The following POC1B variants were observed in gnomAD, a reference collection of about 807,000 sequenced individuals.
POC1B encodes the protein POC1 centriolar protein B, also known as POC1 centriolar protein homolog B.
A neutral mutation model predicts 60.6 loss-of-function variants in POC1B; 44 were observed. That is an observed-to-expected ratio of 0.73 (90% CI 0.57 to 0.93). POC1B has a LOEUF of 0.93. Ranked by LOEUF, POC1B falls within the 40% of genes least tolerant of loss-of-function variation. The probability of loss-of-function intolerance (pLI) is 0.00; values close to 1 mark genes in which losing one functional copy is unlikely to be tolerated. For synonymous variants in POC1B, 180 were observed against 198.9 expected (o/e 0.90, Z 0.80); for missense variants, 555 against 572.3 (o/e 0.97, Z 0.31).
chr12:89,491,746 C>G (rs1368745478), intron 4 of POC1B, among the ~76,000 whole-genome samples, 190 bp downstream of exon 4: 1 of 151,826 alleles, frequency 6.6e-6, no homozygotes, highest in African/African-American at 2.4e-5. Context: ...GTTTGTCTGT[C>G]TCTCTGGAAT....
chr12:89,489,507 C>A (rs1868836044), intron 4 of POC1B, among the ~76,000 whole-genome samples: 1 of 152,206 alleles, frequency 6.6e-6, no homozygotes, highest in Non-Finnish European at 1.5e-5. Context: ...AAAAGTCTGA[C>A]CTTCTGCCTA....
rs532361574 is a variant in POC1B at position 89,466,190 on chromosome 12, T to C, written c.1032+580A>G. On this transcript the variant is annotated intron_variant, in intron 9 of 11. Coordinates refer to ENST00000313546, the MANE Select transcript of POC1B (RefSeq NM_172240.3). ...CAGCTAAGCATCTAGCAAAGATAAA[T>C]CTCTCTTTGAAGACAAAAGAATGCT... Among the ~76,000 whole-genome samples, 5 of 152,260 alleles carry C rather than the reference T, an allele frequency of 3.3e-5. No homozygotes were observed. In the South Asian group the frequency reaches 1.0e-3, roughly 32 times the overall value.
chr12:89,497,279 C>G lies in POC1B; in HGVS notation c.164G>C (p.Arg55Thr). Residue 55 changes from arginine to threonine, a missense_variant, in exon 3 of 12, where the codon AGA (arginine) becomes ACA (threonine). Physicochemically the swap from Arg to Thr is moderately conservative, Grantham distance 71 (BLOSUM62 -1). Coordinates refer to ENST00000313546, the MANE Select transcript of POC1B (RefSeq NM_172240.3). ...TACAACATCCTTGTGACCCACATAT[C>G]TGTAAGCTCTAGCATGTGGCTTGAA... is the stretch of plus-strand genomic sequence containing the variant. The part of the protein sequence containing the change: ...WNFKPHARAY[R>T]YVGHKDVVTS... 2 of 1,613,266 alleles carry G rather than the reference C, an allele frequency of 1.2e-6. No homozygotes were observed. Among genetic ancestry groups the G allele is most frequent in the Non-Finnish European group, 8.5e-7 (1 of 1,179,966 alleles).
chr12:89,424,670 T>C (rs1345464603), intron 11 of POC1B, among the ~76,000 whole-genome samples: 1 of 152,224 alleles, frequency 6.6e-6, no homozygotes, highest in Non-Finnish European at 1.5e-5. Context: ...AATTTTGGTA[T>C]ATTATTTAAG....
chr12:89,522,319 T>TA (rs1216140755), intron 2 of POC1B: 5 of 396,684 alleles, frequency 1.3e-5, no homozygotes, highest in Admixed American at 4.4e-5. Flanking sequence ...TAGAAAAAAA[T>TA]TAGATTAAAA....
In POC1B at chr12:89,497,157, T is replaced by C. The variant is rs767355803; in HGVS notation, c.272+14A>G. Reference sequence around the variant, plus strand: ...AAATCCAAAGGATATCAAGTGTTTCTTTGTTTCTCTTACTTATCAGGAATC... The same window carrying C: ...AAATCCAAAGGATATCAAGTGTTTCCTTGTTTCTCTTACTTATCAGGAATC... On this transcript the variant is annotated intron_variant, in intron 3 of 11. Transcript: ENST00000313546. 3 of 1,609,064 alleles carry C rather than the reference T, an allele frequency of 1.9e-6. No individual in the cohort carries two copies. The South Asian group carries it at 3.3e-5, about 18-fold the overall frequency.
chr12:89,428,332 C>G (rs771498791), intron 10 of POC1B: 4 of 152,196 alleles, frequency 2.6e-5, no homozygotes, highest in Non-Finnish European at 4.4e-5. Context: ...AAATGCAGTC[C>G]CTGCCCTGAC....
intron 11 of POC1B, among the ~76,000 whole-genome samples, chr12:89,422,314 T>C (rs573591293): frequency 1.3e-5 from 2 of 152,346 alleles, no homozygotes; most frequent in Admixed American, 6.5e-5. Flanking sequence ...TGTACATCCC[T>C]AGACATTAAA....
chr12:89,435,956 T>A (rs1881245442), intron 10 of POC1B, among the ~76,000 whole-genome samples: 1 of 151,734 alleles, frequency 6.6e-6, no homozygotes, highest in East Asian at 1.9e-4. Flanking sequence ...TGTTTGTTTT[T>A]TTTTTTTGAG....
chr12:89,481,450 G>T (rs1008199470), intron 4 of POC1B, among the ~76,000 whole-genome samples: 2 of 152,164 alleles, frequency 1.3e-5, no homozygotes, highest in African/African-American at 4.8e-5. Context: ...ATCTGTCCCA[G>T]ATTTCTACAT....
At chr12:89,445,926 A>G (rs10858860) in intron 10 of POC1B, among the ~76,000 whole-genome samples, 26,441 of 152,078 alleles carry the variant, frequency 0.17, 2,997 homozygotes, top group South Asian at 0.36. Context: ...AAACAACCCA[A>G]TCAAAAAATG....
intron 10 of POC1B, chr12:89,426,205 G>C (rs1880756493): frequency 6.6e-6 from 1 of 152,160 alleles, no homozygotes. Flanking sequence ...GAGACAAAAA[G>C]TACAGTAGAG....
rs1389306240 is a variant in POC1B at position 89,510,045 on chromosome 12, C to T, written c.101-12703G>A. Among the ~76,000 whole-genome samples the T allele has an allele frequency of 2.0e-5, 3 of 152,042 alleles. No individual in the cohort carries two copies. The East Asian group carries it at 5.8e-4, about 29-fold the overall frequency. ...TGTATTTTTAGTAGAGACAGGGTTTCAGCATATTGTCCAGGCTGGTCTCGA... is the reference window on the plus strand; with the variant it reads ...TGTATTTTTAGTAGAGACAGGGTTTTAGCATATTGTCCAGGCTGGTCTCGA... On this transcript the variant is annotated intron_variant, in intron 2 of 11. Transcript: ENST00000313546.
chr12:89,462,927 C>A (rs1422948429), intron 9 of POC1B, among the ~76,000 whole-genome samples: 1 of 152,014 alleles, frequency 6.6e-6, no homozygotes, highest in Non-Finnish European at 1.5e-5. Context: ...ACAGTATAAA[C>A]ATATACCCCA....
intron 10 of POC1B, chr12:89,426,377 A>T (rs966608195): frequency 1.3e-5 from 2 of 152,232 alleles, no homozygotes; most frequent in African/African-American, 4.8e-5. Context: ...TATACTTAAG[A>T]ATGGTTAAAA....
At chr12:89,409,501 T>G in the POC1B span, among the ~76,000 whole-genome samples, 1 of 152,164 alleles carries the variant, frequency 6.6e-6, no homozygotes, top group Non-Finnish European at 1.5e-5. Context: ...TTGGTACCAG[T>G]ACCATGCTGT....
chr12:89,477,601 G>A (rs1883172357), intron 4 of POC1B, among the ~76,000 whole-genome samples: 1 of 151,988 alleles, frequency 6.6e-6, no homozygotes, highest in African/African-American at 2.4e-5. Flanking sequence ...AAACTCGGGG[G>A]TCTGGCTTGA....
At chr12:89,497,907 G>A (rs1355732105) in intron 2 of POC1B, among the ~76,000 whole-genome samples, 1 of 152,030 alleles carries the variant, frequency 6.6e-6, no homozygotes, top group Non-Finnish European at 1.5e-5. Context: ...TTCTCCTTGC[G>A]CATGAACACA....
At chr12:89,525,829 C>T in intron 1 of POC1B, 52 bp downstream of exon 1, 3 of 1,402,194 alleles carry the variant, frequency 2.1e-6, no homozygotes, top group Non-Finnish European at 2.8e-6. Context: ...GCCCCGCAGC[C>T]CGCGGGACAG....
Sources: gnomAD v4.1 joint callset for allele counts (sites outside exome capture counted in the v4.1 genomes callset) on GRCh38, gnomAD v4.1.1 for gene constraint, MANE v1.5 for transcripts, NCBI Gene and HGNC (gene_info 2026-07-23, HGNC 2026-07-21) for gene names.